Variants in PSCA observed in about 807,000 individuals in gnomAD.
PSCA encodes the protein prostate stem cell antigen.
A neutral mutation model predicts 7.9 loss-of-function variants in PSCA; 7 were observed. The ratio of observed to expected loss-of-function variants is 0.89; its 90% CI spans 0.51 to 1.67. The LOEUF (loss-of-function observed/expected upper bound fraction) is 1.67. Among genes scored for constraint, PSCA ranks in the 40% most tolerant of loss-of-function variants. PSCA has a pLI of 0.00. For missense variants in PSCA, 151 were observed against 147.9 expected (o/e 1.02, Z -0.11); for synonymous variants, 61 against 68.3 (o/e 0.89, Z 0.53).
chr8:142,682,450 C>A lies in PSCA; in HGVS notation c.*318C>A, dbSNP rs1351471465. 16 of 625,040 alleles carry A rather than the reference C, an allele frequency of 2.6e-5. No homozygotes were observed. The highest frequency in any genetic ancestry group is 4.8e-5 in the Non-Finnish European group (16 of 334,954). 38.7% of individuals were successfully genotyped at this position (625,040 alleles called of 1,614,324 possible). ...CTCAGGCACCTCTTCCCCCAGGAAG[C>A]CTTCCCTGCCCACCCCATCTATGAC... On this transcript the variant is annotated 3_prime_UTR_variant, in exon 3 of 3. Transcript: ENST00000301258.
chr8:142,676,067 G>C (rs1207496067), upstream of PSCA: 2 of 152,252 alleles, frequency 1.3e-5, no homozygotes, highest in Admixed American at 6.5e-5. Context: ...GCCTGGTCCG[G>C]CTGTCCTGGC....
intron 2 of PSCA, 33 bp from the exon 3 acceptor site, chr8:142,681,888 G>T (rs376568974): frequency 2.0e-6 from 3 of 1,473,774 alleles, no homozygotes; most frequent in Non-Finnish European, 1.8e-6. Flanking sequence ...AGCACACAGG[G>T]CAGCCCCATC....
chr8:142,681,340 G>A lies in PSCA; in HGVS notation c.39G>A (p.Leu13=). The part of the protein sequence containing the change: ...GLALQPGTAL[L]CYSCKAQVSN... ...TCCACCCCACAGGCACTGCCCTGCT[G>A]TGCTACTCCTGCAAAGCCCAGGTGA... Residue 13 remains leucine, a synonymous_variant, in exon 2 of 3, where the codon CTG becomes CTA. Transcript: ENST00000301258. 6.4e-7 allele frequency: 1 copy of A among 1,565,936 alleles called. No homozygotes were observed. Among genetic ancestry groups the A allele is most frequent in the African/African-American group, 1.4e-5 (1 of 73,722 alleles).
intron 2 of PSCA, 184 bp downstream of exon 2, chr8:142,681,618 T>A: frequency 3.1e-6 from 2 of 643,224 alleles, no homozygotes; most frequent in Non-Finnish European, 5.6e-6. Context: ...CTGCCACTCC[T>A]CCACTCATCT....
At chr8:142,678,306 C>T (rs1587545226), upstream of PSCA, among the ~76,000 whole-genome samples, 2 of 152,310 alleles carry the variant, frequency 1.3e-5, no homozygotes, top group South Asian at 2.1e-4. Flanking sequence ...GAGAAGGGGC[C>T]GGTCTCCCTC....
intron 1 of PSCA, chr8:142,680,859 G>T: frequency 1.8e-6 from 1 of 561,274 alleles, no homozygotes; most frequent in Admixed American, 3.0e-5. Flanking sequence ...ACTGACGGAT[G>T]GATGGGCAGA....
At position 142,681,923 on chromosome 8, in the gene PSCA, G is replaced by A. The variant is rs370695394; in HGVS notation, c.136G>A (p.Ala46Thr). The A allele has an allele frequency of 4.8e-5, 74 of 1,532,430 alleles. No individual in the cohort carries two copies. The highest frequency in any genetic ancestry group is 3.4e-4 in the Middle Eastern group (2 of 5,918). 94.9% of individuals were successfully genotyped at this position (1,532,430 alleles called of 1,614,324 possible). ...CCCCGGATCCCGCTGCTCCCCAGGC[G>A]CAGTTGGCCTCCTGACCGTCATCAG... ...GEQCWTARIR[A>T]VGLLTVISKG... The change falls in exon 3 of 3, where the codon GCA (alanine) becomes ACA (threonine). Residue 46 changes from alanine to threonine, a missense_variant and splice_region_variant. By Grantham distance (58) the Ala-to-Thr change is moderately conservative. Transcript: ENST00000301258.
intron 1 of PSCA, among the ~76,000 whole-genome samples, chr8:142,671,798 C>T (rs1847332893): frequency 6.6e-6 from 1 of 152,150 alleles, no homozygotes; most frequent in Non-Finnish European, 1.5e-5. Flanking sequence ...TCCCAAAATG[C>T]TGGGATTCCA....
At chr8:142,680,782 GC>G (rs1359136625) in intron 1 of PSCA, 1 of 631,430 alleles carries the variant, frequency 1.6e-6, no homozygotes, top group Non-Finnish European at 2.8e-6. Flanking sequence ...GCTTGCAGGG[GC>G]AGCACGGAGT....
At chr8:142,680,985 CG>C (rs1847456364) in intron 1 of PSCA, 1 of 446,106 alleles carries the variant, frequency 2.2e-6, no homozygotes, top group Non-Finnish European at 4.1e-6. Flanking sequence ...GGTCTACATC[CG>C]GCCCAGTCCC....
At chr8:142,672,578 G>A (rs1847346162) in intron 1 of PSCA, among the ~76,000 whole-genome samples, 1 of 152,198 alleles carries the variant, frequency 6.6e-6, no homozygotes, top group Non-Finnish European at 1.5e-5. Context: ...TCCCCCGGAA[G>A]GCTGGCTCCA....
chr8:142,674,322 T>A (rs1254248071), intron 1 of PSCA, among the ~76,000 whole-genome samples: 322 of 129,914 alleles, frequency 2.5e-3, no homozygotes, highest in African/African-American at 8.4e-3. Context: ...TCAGCAGAGC[T>A]CAGACTCCCC....
intron 1 of PSCA, among the ~76,000 whole-genome samples, chr8:142,672,900 G>A (rs1321908849): frequency 6.6e-6 from 1 of 152,138 alleles, no homozygotes; most frequent in Admixed American, 6.5e-5. Context: ...GGGAAGGCTG[G>A]TCGCCCCACC....
chr8:142,671,097 C>G (rs1386221732), intron 1 of PSCA, among the ~76,000 whole-genome samples: 2 of 152,218 alleles, frequency 1.3e-5, no homozygotes, highest in East Asian at 1.9e-4. Flanking sequence ...AGTACAGACA[C>G]AGGTTTTTTT....
chr8:142,682,227 G>C lies in PSCA; in HGVS notation c.*95G>C, dbSNP rs985332931. On this transcript the variant is annotated 3_prime_UTR_variant, in exon 3 of 3. Transcript: ENST00000301258. The stretch of plus-strand genomic sequence containing the variant: ...CCCGGCCCAGTGGGAGCCTGTCCTG[G>C]TTCCTGAGGCACATCCTAACGCAAG... 2 of 1,409,954 alleles carry C rather than the reference G, an allele frequency of 1.4e-6. No homozygotes were observed. Among genetic ancestry groups the C allele is most frequent in the Admixed American group, 3.9e-5 (2 of 51,134 alleles). 87.3% of individuals were successfully genotyped at this position (1,409,954 alleles called of 1,614,324 possible). A position where few individuals can be genotyped will look rare whatever the true frequency, so the allele number is the denominator to read the frequency against.
At chr8:142,677,418 C>T (rs1554637912), upstream of PSCA, among the ~76,000 whole-genome samples, 1 of 152,216 alleles carries the variant, frequency 6.6e-6, no homozygotes, top group Non-Finnish European at 1.5e-5. Context: ...CATCACCAAA[C>T]ATTCCCTGGC....
At chr8:142,670,865 A>C (rs1243537038) in intron 1 of PSCA, among the ~76,000 whole-genome samples, 1 of 152,222 alleles carries the variant, frequency 6.6e-6, no homozygotes, top group Non-Finnish European at 1.5e-5. Flanking sequence ...GTATCCATAG[A>C]GGATTGGTTC....
chr8:142,676,413 C>A (rs1554637831), upstream of PSCA: 1 of 152,328 alleles, frequency 6.6e-6, no homozygotes. Context: ...AAGGCAGGGT[C>A]TCCTGGGACA....
Position 142,682,692 on chromosome 8 carries a change from G to A in PSCA, c.*560G>A, listed in dbSNP as rs1006535732. The stretch of plus-strand genomic sequence containing the variant: ...CCCTGAATGGCAGCCTCAGCACAGC[G>A]TAGGCCCTTAATAAACACCTGTTGG... On this transcript the variant is annotated 3_prime_UTR_variant, in exon 3 of 3. Transcript: ENST00000301258. 4.3e-5 allele frequency: 14 copies of A among 327,348 alleles called. No homozygotes were observed. Among genetic ancestry groups the A allele is most frequent in the Non-Finnish European group, 7.9e-5 (13 of 164,092 alleles). The allele number at this position is 327,348 out of a possible 1,614,324, so 20.3% of individuals were successfully genotyped here. A position where few individuals can be genotyped will look rare whatever the true frequency, so the allele number is the denominator to read the frequency against.
Sources: gnomAD v4.1 joint callset for allele counts (sites outside exome capture counted in the v4.1 genomes callset) on GRCh38, gnomAD v4.1.1 for gene constraint, MANE v1.5 for transcripts, NCBI Gene and HGNC (gene_info 2026-07-23, HGNC 2026-07-21) for gene names.